The following IL21 variants were observed in gnomAD, a reference collection of about 807,000 sequenced individuals.
IL21 encodes the protein interleukin-21.
A neutral mutation model predicts 18.4 loss-of-function variants in IL21; 3 were observed. The observed-to-expected ratio is 0.16, with a 90% CI of 0.07 to 0.42. The LOEUF (loss-of-function observed/expected upper bound fraction) is 0.42, where lower values mean the gene tolerates loss of function less well. Among genes scored for constraint, IL21 ranks in the 10% least tolerant of loss-of-function variants. The probability of loss-of-function intolerance (pLI) is 0.99; values close to 1 mark genes in which losing one functional copy is unlikely to be tolerated. For synonymous variants in IL21, 37 were observed against 62.0 expected, an observed-to-expected ratio of 0.60 and a Z score of 1.90; for missense variants, 130 against 188.4, an observed-to-expected ratio of 0.69 and a Z score of 1.81.
chr4:122,615,573 G>T, intron 3 of IL21, 109 bp downstream of exon 3: 3 of 950,744 alleles, frequency 3.2e-6, no homozygotes, highest in Non-Finnish European at 4.7e-6. Context: ...ATAACTATAG[G>T]TAAGGAAGAC....
chr4:122,618,075 C>G (rs907242290), intron 2 of IL21, among the ~76,000 whole-genome samples: 9 of 152,184 alleles, frequency 5.9e-5, no homozygotes, highest in African/African-American at 2.2e-4. Flanking sequence ...CTTTGTTTCC[C>G]TCATGCTTTA....
chr4:122,620,568 A>T, intron 2 of IL21, 133 bp downstream of exon 2: 1 of 744,466 alleles, frequency 1.3e-6, no homozygotes, highest in Non-Finnish European at 2.1e-6. Flanking sequence ...ATAAATAAAT[A>T]TTTCATCAAT....
intron 3 of IL21, among the ~76,000 whole-genome samples, chr4:122,614,863 C>A (rs1799315532): frequency 6.6e-6 from 1 of 152,074 alleles, no homozygotes; most frequent in Non-Finnish European, 1.5e-5. Flanking sequence ...GTTAAAATTC[C>A]CCAGCCAAGT....
intron 3 of IL21, among the ~76,000 whole-genome samples, chr4:122,614,234 C>G (rs1473701399): frequency 6.6e-6 from 1 of 152,048 alleles, no homozygotes; most frequent in African/African-American, 2.4e-5. Context: ...CCAAAGCTAC[C>G]ACTTCATGAG....
intron 1 of IL21, 29 bp downstream of exon 1, chr4:122,620,815 A>G: frequency 6.2e-7 from 1 of 1,612,526 alleles, no homozygotes; most frequent in Non-Finnish European, 8.5e-7. Flanking sequence ...AGTATGATTT[A>G]GATTTTGTTG....
intron 3 of IL21, among the ~76,000 whole-genome samples, chr4:122,613,818 T>C (rs2150685418): frequency 6.6e-6 from 1 of 152,358 alleles, no homozygotes; most frequent in Middle Eastern, 3.4e-3. Flanking sequence ...TTTACCTCTT[T>C]TCACTTGGAG....
chr4:122,617,102 T>C (rs139043363), intron 2 of IL21, among the ~76,000 whole-genome samples: 237 of 152,316 alleles, frequency 1.6e-3, no homozygotes, highest in African/African-American at 5.4e-3. Flanking sequence ...CACAAACCTA[T>C]CAGGTTTGCT....
intron 2 of IL21, among the ~76,000 whole-genome samples, chr4:122,618,143 C>CGGTA (rs1264271033): frequency 1.3e-5 from 2 of 152,150 alleles, no homozygotes; most frequent in Admixed American, 6.5e-5. Flanking sequence ...CTAGAAGGAG[C>CGGTA]GGTAGTAAAG....
intron 3 of IL21, among the ~76,000 whole-genome samples, chr4:122,613,779 T>G (rs976859596): frequency 6.6e-6 from 1 of 152,244 alleles, no homozygotes; most frequent in Non-Finnish European, 1.5e-5. Context: ...GATAAAAATT[T>G]TAAGGCTTTG....
chr4:122,612,513 AG>A lies in IL21; in HGVS notation c.*196del, dbSNP rs1799275528. 1 of 441,112 alleles carries A rather than the reference AG, an allele frequency of 2.3e-6. No individual in the cohort carries two copies. Among genetic ancestry groups the A allele is most frequent in the African/African-American group, 2.0e-5 (1 of 49,324 alleles). The allele number at this position is 441,112 out of a possible 1,614,324, so 27.3% of individuals were successfully genotyped here. On this transcript the variant is annotated 3_prime_UTR_variant, in exon 5 of 5. Coordinates refer to ENST00000648588, the MANE Select transcript of IL21 (RefSeq NM_021803.4). ...GGCAGTGAGATAAAGTAAAAACTTC[AG>A]AAGTCATAGAAATCAATAACATAGG...
chr4:122,620,514 AT>A (rs1454728382), intron 2 of IL21, among the ~76,000 whole-genome samples, 186 bp downstream of exon 2: 9 of 152,294 alleles, frequency 5.9e-5, no homozygotes, highest in South Asian at 4.1e-4. Flanking sequence ...ATAATATAGC[AT>A]TTTTTAGTTG....
intron 2 of IL21, among the ~76,000 whole-genome samples, chr4:122,617,924 A>T (rs17882114): frequency 0.023 from 3,455 of 152,304 alleles, 85 homozygotes; most frequent in African/African-American, 0.063. Flanking sequence ...GAGTGAAAAG[A>T]TTAACCTTGA....
chr4:122,616,286 C>T (rs1161654897), intron 2 of IL21, among the ~76,000 whole-genome samples: 1 of 152,200 alleles, frequency 6.6e-6, no homozygotes, highest in East Asian at 1.9e-4. Context: ...TCTATCATGA[C>T]ATGTCTTGAG....
At position 122,611,194 on chromosome 4, in the gene IL21, A is replaced by G. The variant is rs1324310599; in HGVS notation, c.*1516T>C. Among the ~76,000 whole-genome samples the G allele has an allele frequency of 6.6e-6, 1 of 152,190 alleles. No homozygotes were observed. Among genetic ancestry groups the G allele is most frequent in the Non-Finnish European group, 1.5e-5 (1 of 68,020 alleles). ...TGAAACTGAGGCACATTTTAGATATATATTATCATCATCAGGCACATAATT... is the reference window on the plus strand; with the variant it reads ...TGAAACTGAGGCACATTTTAGATATGTATTATCATCATCAGGCACATAATT... On this transcript the variant is annotated 3_prime_UTR_variant, in exon 5 of 5. Transcript: ENST00000648588.
Position 122,618,760 on chromosome 4 carries a change from C to T in IL21, c.204+1941G>A, listed in dbSNP as rs770844690. ...GGCAGAGGTTGCAGTGAGCTGAGATCGCACCACTGCACTCCAGCCTAGCAA... is the reference window on the plus strand; with the variant it reads ...GGCAGAGGTTGCAGTGAGCTGAGATTGCACCACTGCACTCCAGCCTAGCAA... On this transcript the variant is annotated intron_variant, in intron 2 of 4. Coordinates refer to ENST00000648588, the MANE Select transcript of IL21 (RefSeq NM_021803.4). Among the ~76,000 whole-genome samples the T allele has an allele frequency of 9.7e-4, 138 of 142,360 alleles. 1 individual carries two copies. The highest frequency in any genetic ancestry group is 1.1e-3 in the Non-Finnish European group (73 of 66,898). 93.4% of individuals were successfully genotyped at this position (142,360 alleles called of 152,430 possible).
intron 2 of IL21, chr4:122,620,039 C>G (rs1247149810): frequency 2.6e-5 from 4 of 152,226 alleles, no homozygotes; most frequent in African/African-American, 9.7e-5. Flanking sequence ...TCTTGAACTA[C>G]ATGCCAGGCC....
In IL21 at chr4:122,620,741, A is replaced by G. The variant is rs1462204090; in HGVS notation, c.169-5T>C. ...AGCTGGCAGAAATTCAGGGACCTAG[A>G]GCAAAAGAAAATTTGTTCTGAGTTA... On this transcript the variant is annotated splice_region_variant and splice_polypyrimidine_tract_variant and intron_variant, in intron 1 of 4. Coordinates refer to ENST00000648588, the MANE Select transcript of IL21 (RefSeq NM_021803.4). 3.7e-6 allele frequency: 6 copies of G among 1,613,538 alleles called. No individual in the cohort carries two copies. Among genetic ancestry groups the G allele is most frequent in the Admixed American group, 3.3e-5 (2 of 59,970 alleles).
At position 122,612,595 on chromosome 4, in the gene IL21, T is replaced by C. The variant is rs762611607; in HGVS notation, c.*115A>G. 6.9e-6 allele frequency: 5 copies of C among 729,918 alleles called. No individual in the cohort carries two copies. Among genetic ancestry groups the C allele is most frequent in the Non-Finnish European group, 1.2e-5 (5 of 421,290 alleles). 45.2% of individuals were successfully genotyped at this position (729,918 alleles called of 1,614,324 possible). A position where few individuals can be genotyped will look rare whatever the true frequency, so the allele number is the denominator to read the frequency against. ...AAATAATCCTGACTTTGCACACTTA[T>C]GAGTTTTTTTTTCCCATCGCTAATA... is the stretch of plus-strand genomic sequence containing the variant. On this transcript the variant is annotated 3_prime_UTR_variant, in exon 5 of 5. Coordinates refer to ENST00000648588, the MANE Select transcript of IL21 (RefSeq NM_021803.4).
intron 2 of IL21, chr4:122,619,138 G>A (rs935732908): frequency 6.6e-6 from 1 of 152,168 alleles, no homozygotes; most frequent in Non-Finnish European, 1.5e-5. Context: ...GCCTGGCTAG[G>A]CCAATTAGAG....
Sources: allele counts gnomAD v4.1 joint callset (sites outside exome capture counted in the v4.1 genomes callset), GRCh38; gene constraint gnomAD v4.1.1; transcripts MANE v1.5; gene names NCBI Gene and HGNC (gene_info 2026-07-23, HGNC 2026-07-21).